The following SBF2 variants were observed in gnomAD, a reference collection of about 807,000 sequenced individuals.
SBF2 encodes myotubularin-related protein 13.
A neutral mutation model predicts 225.2 loss-of-function variants in SBF2; 112 were observed. The ratio of observed to expected loss-of-function variants is 0.50; its 90% CI spans 0.43 to 0.58. The LOEUF (loss-of-function observed/expected upper bound fraction) is 0.58, where lower values mean the gene tolerates loss of function less well. SBF2 is among the 20% of genes least tolerant of loss of function. The probability of loss-of-function intolerance (pLI) is 0.00; values close to 1 mark genes in which losing one functional copy is unlikely to be tolerated. For synonymous variants in SBF2, 763 were observed against 773.3 expected, an observed-to-expected ratio of 0.99 and a Z score of 0.22; for missense variants, 1,996 against 2,206.2, an observed-to-expected ratio of 0.90 and a Z score of 1.91.
At chr11:9,853,008 T>C (rs1337822751) in intron 20 of SBF2, among the ~76,000 whole-genome samples, 1 of 152,160 alleles carries the variant, frequency 6.6e-6, no homozygotes, top group Non-Finnish European at 1.5e-5. Context: ...GTAACTCAAA[T>C]GTCCATCAAC....
chr11:9,839,848 T>A, intron 25 of SBF2, 152 bp from the exon 26 acceptor site: 1 of 920,536 alleles, frequency 1.1e-6, no homozygotes, highest in South Asian at 1.3e-5. Context: ...ATTGAGGCCT[T>A]CAGGGTAGTA....
At chr11:10,197,205 C>T (rs1957407890) in intron 1 of SBF2, among the ~76,000 whole-genome samples, 1 of 152,004 alleles carries the variant, frequency 6.6e-6, no homozygotes, top group African/African-American at 2.4e-5. Context: ...TAAATGGGAC[C>T]ACACTACTCT....
At chr11:10,173,105 T>C (rs536705430) in intron 2 of SBF2, among the ~76,000 whole-genome samples, 25 of 152,388 alleles carry the variant, frequency 1.6e-4, no homozygotes, top group African/African-American at 5.3e-4. Flanking sequence ...GAGAAGATAC[T>C]TGATATTATT....
At chr11:10,193,351 CTTTTTT>C (rs60903141) in intron 2 of SBF2, among the ~76,000 whole-genome samples, 1 of 110,500 alleles carries the variant, frequency 9.0e-6, no homozygotes, top group South Asian at 3.2e-4. Flanking sequence ...TCAATTTCAT[CTTTTTT>C]TTTTTTTTTT....
At chr11:9,818,805 T>C (rs1854593703) in intron 28 of SBF2, among the ~76,000 whole-genome samples, 2 of 152,206 alleles carry the variant, frequency 1.3e-5, no homozygotes, top group African/African-American at 4.8e-5. Context: ...CACCACAGCC[T>C]CTGCCTCCTG....
At chr11:10,153,460 T>A (rs1486306772) in intron 2 of SBF2, among the ~76,000 whole-genome samples, 1 of 152,122 alleles carries the variant, frequency 6.6e-6, no homozygotes, top group Non-Finnish European at 1.5e-5. Flanking sequence ...AAGAAAAATT[T>A]AAAAATATTT....
At chr11:10,117,250 G>A (rs1434439761) in intron 2 of SBF2, among the ~76,000 whole-genome samples, 3 of 152,084 alleles carry the variant, frequency 2.0e-5, no homozygotes, top group African/African-American at 7.2e-5. Flanking sequence ...AGACCAGCCT[G>A]GCCAACATGG....
At chr11:10,007,103 G>A (rs1488718034) in intron 6 of SBF2, among the ~76,000 whole-genome samples, 3 of 152,132 alleles carry the variant, frequency 2.0e-5, no homozygotes, top group Admixed American at 6.6e-5. Context: ...GGAACCGCAC[G>A]GATGAACAGG....
At chr11:10,196,260 C>T (rs1957350933) in intron 1 of SBF2, among the ~76,000 whole-genome samples, 1 of 152,098 alleles carries the variant, frequency 6.6e-6, no homozygotes, top group African/African-American at 2.4e-5. Context: ...TAAGTTTATT[C>T]CTCCCTTCTT....
At chr11:10,055,554 C>A (rs1288774172) in intron 2 of SBF2, among the ~76,000 whole-genome samples, 3 of 150,244 alleles carry the variant, frequency 2.0e-5, no homozygotes, top group African/African-American at 7.4e-5. Context: ...CACACACACA[C>A]ACACACACAC....
In SBF2 at chr11:9,917,456, C is replaced by G. The variant is rs530308034; in HGVS notation, c.1861-21445G>C. Among the ~76,000 whole-genome samples, 41 of 151,562 alleles carry G rather than the reference C, an allele frequency of 2.7e-4. No homozygotes were observed. The South Asian group carries it at 8.5e-3, about 31-fold the overall frequency. ...AAGCAATTCTCCTGCCTCAGCCTCC[C>G]TAGTAGCTGGGATTACAGGCACACA... is the stretch of plus-strand genomic sequence containing the variant. On this transcript the variant is annotated intron_variant, in intron 16 of 39. Transcript: ENST00000256190.
chr11:10,165,388 T>C (rs988653114), intron 2 of SBF2, among the ~76,000 whole-genome samples: 1 of 152,150 alleles, frequency 6.6e-6, no homozygotes, highest in Non-Finnish European at 1.5e-5. Flanking sequence ...CATGCCCTAA[T>C]AGCAATACAG....
At chr11:10,289,331 C>T (rs1386272519) in intron 1 of SBF2, among the ~76,000 whole-genome samples, 1 of 152,142 alleles carries the variant, frequency 6.6e-6, no homozygotes, top group Non-Finnish European at 1.5e-5. Context: ...CCCCTTAGAA[C>T]ACAGGGAGAA....
intron 16 of SBF2, among the ~76,000 whole-genome samples, chr11:9,939,239 G>A (rs1686204166): frequency 6.6e-6 from 1 of 152,088 alleles, no homozygotes; most frequent in Non-Finnish European, 1.5e-5. Flanking sequence ...GGGATTACAG[G>A]CACCTGCCAC....
At chr11:10,097,411 A>G (rs186304858) in intron 2 of SBF2, among the ~76,000 whole-genome samples, 143 of 152,370 alleles carry the variant, frequency 9.4e-4, no homozygotes, top group Admixed American at 2.8e-3. Flanking sequence ...GTTCTAGATT[A>G]AACAGGTAAA....
chr11:9,881,513 G>A (rs1859759110), intron 17 of SBF2, among the ~76,000 whole-genome samples: 3 of 152,028 alleles, frequency 2.0e-5, no homozygotes, highest in Non-Finnish European at 4.4e-5. Context: ...TTCCAAATAA[G>A]GGGAAACTGT....
Position 9,992,284 on chromosome 11 carries a change from T to C in SBF2, c.1296+131A>G, listed in dbSNP as rs534652437. On this transcript the variant is annotated intron_variant, in intron 12 of 39. Transcript: ENST00000256190. ...AAATATCGAGATTTGATAAGCATAA[T>C]AAATAACATTGGGATTATTTAATAC... is the stretch of plus-strand genomic sequence containing the variant. 4 of 689,864 alleles carry C rather than the reference T, an allele frequency of 5.8e-6. No individual in the cohort carries two copies. The East Asian group carries it at 9.2e-5, about 16-fold the overall frequency. The allele number at this position is 689,864 out of a possible 1,614,324, so 42.7% of individuals were successfully genotyped here. A position where few individuals can be genotyped will look rare whatever the true frequency, so the allele number is the denominator to read the frequency against.
At chr11:10,202,951 A>T (rs1957620741) in intron 1 of SBF2, among the ~76,000 whole-genome samples, 1 of 152,086 alleles carries the variant, frequency 6.6e-6, no homozygotes, top group South Asian at 2.1e-4. Context: ...AGGACAGTGA[A>T]CCCAGAGAGA....
intron 2 of SBF2, among the ~76,000 whole-genome samples, chr11:10,174,828 C>T (rs1591135748): frequency 6.6e-6 from 1 of 151,708 alleles, no homozygotes; most frequent in African/African-American, 2.4e-5. Context: ...AGAAACTCTA[C>T]AAGCCAGAAG....
Sources: gnomAD v4.1 joint callset for allele counts (sites outside exome capture counted in the v4.1 genomes callset) on GRCh38, gnomAD v4.1.1 for gene constraint, MANE v1.5 for transcripts, NCBI Gene and HGNC (gene_info 2026-07-23, HGNC 2026-07-21) for gene names.